Variants in TENM3 observed in about 807,000 individuals in gnomAD.
TENM3 encodes the protein teneurin-3.
In TENM3, 63 loss-of-function variants were observed where a neutral mutation model predicts 255.1. The observed-to-expected ratio is 0.25, with a 90% CI of 0.20 to 0.30. The LOEUF (loss-of-function observed/expected upper bound fraction) is 0.30, where lower values mean the gene tolerates loss of function less well. TENM3 is among the 10% of genes least tolerant of loss of function. The pLI is 1.00. For missense variants in TENM3, 2,929 were observed against 3,461.1 expected, an observed-to-expected ratio of 0.85 and a Z score of 3.86; for synonymous variants, 1,306 against 1,322.3, an observed-to-expected ratio of 0.99 and a Z score of 0.27.
At chr4:182,473,398 G>GCTCA (rs1733328108) in intron 3 of TENM3, among the ~76,000 whole-genome samples, 1 of 152,232 alleles carries the variant, frequency 6.6e-6, no homozygotes, top group Non-Finnish European at 1.5e-5. Context: ...AACTGGCCGG[G>GCTCA]TGCCGTGGCT....
intron 1 of TENM3, among the ~76,000 whole-genome samples, chr4:182,146,116 G>A (rs1181333273): frequency 6.6e-6 from 1 of 152,104 alleles, no homozygotes; most frequent in Non-Finnish European, 1.5e-5. Flanking sequence ...TTAATATATT[G>A]AGAACAGACT....
intron 3 of TENM3, among the ~76,000 whole-genome samples, chr4:182,590,388 A>G (rs552653666): frequency 6.6e-6 from 1 of 151,988 alleles, no homozygotes; most frequent in Non-Finnish European, 1.5e-5. Flanking sequence ...CTGTAACCCC[A>G]GCACTTTTGG....
intron 3 of TENM3, among the ~76,000 whole-genome samples, chr4:182,359,132 T>G (rs1304550459): frequency 6.6e-6 from 1 of 152,114 alleles, no homozygotes; most frequent in Non-Finnish European, 1.5e-5. Flanking sequence ...GGTATTTTAT[T>G]GAGGATTTTT....
At chr4:182,005,616 G>A in the TENM3 span, among the ~76,000 whole-genome samples, 1 of 152,186 alleles carries the variant, frequency 6.6e-6, no homozygotes, top group African/African-American at 2.4e-5. Context: ...AATGTCAATG[G>A]TAGTTTGATG....
the TENM3 span, among the ~76,000 whole-genome samples, chr4:181,621,923 C>T: frequency 2.0e-5 from 3 of 152,168 alleles, no homozygotes; most frequent in Admixed American, 2.0e-4. Flanking sequence ...CATTCTCTTT[C>T]TCACAGTTCA....
At chr4:182,785,561 A>C (rs1301967248) in intron 24 of TENM3, among the ~76,000 whole-genome samples, 1 of 151,418 alleles carries the variant, frequency 6.6e-6, no homozygotes, top group Non-Finnish European at 1.5e-5. Context: ...TACAAAAATT[A>C]GCCAGGCGTG....
At chr4:182,160,346 T>C (rs1751057431) in intron 1 of TENM3, among the ~76,000 whole-genome samples, 1 of 152,206 alleles carries the variant, frequency 6.6e-6, no homozygotes, top group Non-Finnish European at 1.5e-5. Flanking sequence ...TGGTTACCTT[T>C]TTCCACATTA....
chr4:182,788,411 C>T (rs1765851691), intron 24 of TENM3, among the ~76,000 whole-genome samples: 1 of 152,238 alleles, frequency 6.6e-6, no homozygotes, highest in Non-Finnish European at 1.5e-5. Flanking sequence ...CACCTAGCCA[C>T]AGAGACTCTA....
chr4:181,976,201 A>C, the TENM3 span: 37,601 of 151,878 alleles, frequency 0.25, 4,796 homozygotes, highest in Non-Finnish European at 0.27. Context: ...CTCACTGCAA[A>C]CTCCACCTCC....
chr4:181,884,302 TAATA>T, the TENM3 span, among the ~76,000 whole-genome samples: 28,651 of 151,546 alleles, frequency 0.19, 3,281 homozygotes, highest in South Asian at 0.34. Flanking sequence ...ATTTTTATTA[TAATA>T]AATATATAAT....
chr4:182,610,733 A>G (rs1748910078), intron 4 of TENM3, among the ~76,000 whole-genome samples: 1 of 137,000 alleles, frequency 7.3e-6, no homozygotes, highest in South Asian at 2.5e-4. Context: ...CACCATGCCC[A>G]ACTAAAGTTA....
intron 13 of TENM3, among the ~76,000 whole-genome samples, chr4:182,717,046 C>A (rs939075049): frequency 1.0e-5 from 1 of 97,150 alleles, no homozygotes; most frequent in African/African-American, 3.5e-5. Context: ...AGTTGCGTAC[C>A]ATTCCCGGAA....
rs977339376 is a variant in TENM3 at position 182,730,225 on chromosome 4, G to A, written c.2611G>A (p.Val871Ile). 6.2e-6 allele frequency: 10 copies of A among 1,613,842 alleles called. No homozygotes were observed. The highest frequency in any genetic ancestry group is 1.7e-5 in the Admixed American group (1 of 60,022). ...CCTTGCATCTGTCATCAGAGGCCAAGTACTGACTGCTGATGGAACTCCACT... is the reference window on the plus strand; with the variant it reads ...CCTTGCATCTGTCATCAGAGGCCAAATACTGACTGCTGATGGAACTCCACT... ...KSLASVIRGQ[V>I]LTADGTPLIG... Residue 871 changes from valine (V) to isoleucine (I), a missense_variant, in exon 15 of 28, where the codon GTA (valine) becomes ATA (isoleucine). Transcript: ENST00000511685.
intron 3 of TENM3, among the ~76,000 whole-genome samples, chr4:182,418,733 T>C (rs1770567185): frequency 6.6e-6 from 1 of 152,062 alleles, no homozygotes; most frequent in Non-Finnish European, 1.5e-5. Flanking sequence ...AGCTAATTTT[T>C]TGTGTGTTTT....
intron 12 of TENM3, among the ~76,000 whole-genome samples, chr4:182,700,845 G>A (rs910556356): frequency 6.6e-6 from 1 of 152,004 alleles, no homozygotes; most frequent in Non-Finnish European, 1.5e-5. Flanking sequence ...TTAGTTTTTA[G>A]GGTAATCTAC....
the TENM3 span, among the ~76,000 whole-genome samples, chr4:181,913,798 T>A: frequency 6.6e-6 from 1 of 152,180 alleles, no homozygotes; most frequent in African/African-American, 2.4e-5. Flanking sequence ...AACTCAGAAC[T>A]CATTGTACTT....
the TENM3 span, among the ~76,000 whole-genome samples, chr4:182,056,195 C>T: frequency 1.3e-5 from 2 of 152,096 alleles, no homozygotes; most frequent in African/African-American, 4.8e-5. Flanking sequence ...GCATGCTCAA[C>T]CGTCTTAATG....
the TENM3 span, among the ~76,000 whole-genome samples, chr4:181,476,205 G>GTTTTTTTTT: frequency 0.012 from 1,191 of 97,810 alleles, 38 homozygotes; most frequent in African/African-American, 0.032. Context: ...ACATTTTAGG[G>GTTTTTTTTT]GTTTTTTTTT....
chr4:182,397,207 G>A (rs572415299), intron 3 of TENM3, among the ~76,000 whole-genome samples: 3 of 149,502 alleles, frequency 2.0e-5, no homozygotes. Context: ...AGCAGAGTAG[G>A]GAGACAAGTA....
Sources: gnomAD v4.1 joint callset for allele counts (sites outside exome capture counted in the v4.1 genomes callset) on GRCh38, gnomAD v4.1.1 for gene constraint, MANE v1.5 for transcripts, NCBI Gene and HGNC (gene_info 2026-07-23, HGNC 2026-07-21) for gene names.